SBF1: variants seen among roughly 807,000 people sequenced by gnomAD.
SBF1 encodes the protein myotubularin-related protein 5.
SBF1 carries 65 observed loss-of-function variants against 215.8 expected under a neutral mutation model. The ratio of observed to expected loss-of-function variants is 0.30; its 90% CI spans 0.25 to 0.37. The LOEUF (loss-of-function observed/expected upper bound fraction) is 0.37, where lower values mean the gene tolerates loss of function less well. Among genes scored for constraint, SBF1 ranks in the 10% least tolerant of loss-of-function variants. The pLI, the probability that SBF1 is intolerant of heterozygous loss-of-function variation, is 1.00. For synonymous variants in SBF1, 1,410 were observed against 1,122.8 expected (o/e 1.26, Z -5.11); for missense variants, 2,634 against 2,667.8 (o/e 0.99, Z 0.28).
At position 50,446,980 on chromosome 22, in the gene SBF1, G is replaced by T; in HGVS notation, c.*162C>A. On this transcript the variant is annotated 3_prime_UTR_variant, in exon 41 of 41. Coordinates refer to ENST00000380817, the MANE Select transcript of SBF1 (RefSeq NM_002972.4). ...ACGCCAAAATAAGTTAGGGCCGGCC[G>T]GGCGGGGCGGGGCGGGGACGGGGGC... 1 of 719,830 alleles carries T rather than the reference G, an allele frequency of 1.4e-6. No individual in the cohort carries two copies. Among genetic ancestry groups the T allele is most frequent in the Non-Finnish European group, 2.4e-6 (1 of 411,124 alleles). 44.6% of individuals were successfully genotyped at this position (719,830 alleles called of 1,614,324 possible).
chr22:50,471,039 G>A (rs548886971), intron 1 of SBF1, among the ~76,000 whole-genome samples: 1 of 152,302 alleles, frequency 6.6e-6, no homozygotes, highest in South Asian at 2.1e-4. Context: ...TGCCATAGGA[G>A]TGACCTCCAG....
In SBF1 at chr22:50,466,687, A is replaced by G; in HGVS notation, c.573T>C (p.Gly191=). ...GSQRTISLGA[G]DRQVIQTPLA... Reference sequence around the variant, plus strand: ...GTGGAGTCTGGATGACCTGCCGGTCACCAGCCCCCAAAGAGATCGTCCTCT... The same window carrying G: ...GTGGAGTCTGGATGACCTGCCGGTCGCCAGCCCCCAAAGAGATCGTCCTCT... The change falls in exon 6 of 41, where the codon GGT becomes GGC. Residue 191 remains glycine (G), a synonymous_variant. Coordinates refer to ENST00000380817, the MANE Select transcript of SBF1 (RefSeq NM_002972.4). 6.5e-7 allele frequency: 1 copy of G among 1,544,936 alleles called. No homozygotes were observed. Among genetic ancestry groups the G allele is most frequent in the Non-Finnish European group, 8.8e-7 (1 of 1,142,810 alleles).
Position 50,474,925 on chromosome 22 carries a change from C to G in SBF1, c.-85G>C. 2 of 994,842 alleles carry G rather than the reference C, an allele frequency of 2.0e-6. No individual in the cohort carries two copies. Among genetic ancestry groups the G allele is most frequent in the South Asian group, 2.6e-5 (1 of 38,110 alleles). The allele number at this position is 994,842 out of a possible 1,614,324, so 61.6% of individuals were successfully genotyped here. A position where few individuals can be genotyped will look rare whatever the true frequency, so the allele number is the denominator to read the frequency against. On this transcript the variant is annotated 5_prime_UTR_variant, in exon 1 of 41. Coordinates refer to ENST00000380817, the MANE Select transcript of SBF1 (RefSeq NM_002972.4). ...GGACGGCGCGCTCATGGCCCGGCCC[C>G]GGCCCTGGACCGCGCACCCCGGACA... is the stretch of plus-strand genomic sequence containing the variant.
rs748777978 is a variant in SBF1 at position 50,464,713 on chromosome 22, A to G, written c.1457T>C (p.Met486Thr). The change falls in exon 14 of 41, where the codon ATG becomes ACG. Residue 486 changes from methionine (M) to threonine (T), a missense_variant. Physicochemically the swap from Met to Thr is moderately conservative, Grantham distance 81. Transcript: ENST00000380817. ...KNENPYPAVA[M>T]HKVQRPGESS... ...CTCACCGGGCCTCTGTACCTTGTGCATCGCCACGGCTGGGTACGGGTTCTC... is the reference window on the plus strand; with the variant it reads ...CTCACCGGGCCTCTGTACCTTGTGCGTCGCCACGGCTGGGTACGGGTTCTC... 6 of 1,607,284 alleles carry G rather than the reference A, an allele frequency of 3.7e-6. No individual in the cohort carries two copies. Among genetic ancestry groups the G allele is most frequent in the Non-Finnish European group, 5.1e-6 (6 of 1,178,674 alleles).
Position 50,461,579 on chromosome 22 carries a change from G to A in SBF1, c.2783C>T (p.Ala928Val), listed in dbSNP as rs1456091528. ...GGPALLPAEG[A>V]VFLTTYRVIF... ...GACCCGGTACGTGGTGAGGAAGACG[G>A]CGCCCTCAGCTGGGAGCAATGCTGG... Residue 928 changes from alanine to valine, a missense_variant, in exon 22 of 41, where the codon GCC (alanine) becomes GTC (valine). Coordinates refer to ENST00000380817, the MANE Select transcript of SBF1 (RefSeq NM_002972.4). 1.2e-6 allele frequency: 2 copies of A among 1,611,740 alleles called. No homozygotes were observed. Among genetic ancestry groups the A allele is most frequent in the Non-Finnish European group, 1.7e-6 (2 of 1,179,342 alleles).
At position 50,461,782 on chromosome 22, in the gene SBF1, C is replaced by A; in HGVS notation, c.2643+14G>T. ...GGGCCTTGGGCCCCCGCAGCCCCAA[C>A]GGCCCCCGCAAACCTTCTGGATGGG... On this transcript the variant is annotated intron_variant, in intron 21 of 40. Coordinates refer to ENST00000380817, the MANE Select transcript of SBF1 (RefSeq NM_002972.4). 1 of 1,612,550 alleles carries A rather than the reference C, an allele frequency of 6.2e-7. No individual in the cohort carries two copies. The highest frequency in any genetic ancestry group is 8.5e-7 in the Non-Finnish European group (1 of 1,179,630).
In SBF1 at chr22:50,455,239, C is replaced by G. The variant is rs374064130; in HGVS notation, c.4539G>C (p.Leu1513=). The G allele has an allele frequency of 4.9e-4, 787 of 1,612,886 alleles. No homozygotes were observed. Among genetic ancestry groups the G allele is most frequent in the Non-Finnish European group, 6.3e-4 (748 of 1,179,608 alleles). ...SGFTPVFLQF[L]DCVHQVHLQF... ...GCCTGCCCACCTGGTGTACGCAGTC[C>G]AGGAACTGCAGGAAGACGGGTGTGA... The change falls in exon 33 of 41, where the codon CTG becomes CTC. Residue 1513 remains leucine (L), a synonymous_variant. Transcript: ENST00000380817.
intron 22 of SBF1, 77 bp from the exon 23 acceptor site, chr22:50,461,363 T>C: frequency 2.0e-6 from 3 of 1,533,632 alleles, no homozygotes; most frequent in South Asian, 2.4e-5. Context: ...GTACCACAGT[T>C]ATGGGGAATC....
intron 36 of SBF1, among the ~76,000 whole-genome samples, chr22:50,449,882 G>T (rs1429235542): frequency 1.3e-5 from 2 of 152,208 alleles, no homozygotes; most frequent in African/African-American, 4.8e-5. Context: ...AGGGGAAGCC[G>T]TTGTTTCCAG....
intron 36 of SBF1, among the ~76,000 whole-genome samples, 163 bp from the exon 37 acceptor site, chr22:50,448,813 A>C (rs143259371): frequency 1.3e-5 from 2 of 152,334 alleles, no homozygotes; most frequent in East Asian, 1.9e-4. Context: ...AATATGCAAA[A>C]TGAATATTCG....
chr22:50,461,100 G>C (rs1264017825), intron 23 of SBF1, 59 bp downstream of exon 23: 1 of 1,533,864 alleles, frequency 6.5e-7, no homozygotes, highest in Non-Finnish European at 8.8e-7. Context: ...AGAAAGACCG[G>C]TTTGCAGGAG....
At position 50,464,458 on chromosome 22, in the gene SBF1, C is replaced by T; in HGVS notation, c.1637-17G>A. On this transcript the variant is annotated splice_polypyrimidine_tract_variant and intron_variant, in intron 14 of 40. Transcript: ENST00000380817. ...GTATGGCAGCTGCGGGGACAGAATA[C>T]ACACACTCGGACCCCTGACCCCACG... The T allele has an allele frequency of 6.2e-7, 1 of 1,610,452 alleles. No individual in the cohort carries two copies. Among genetic ancestry groups the T allele is most frequent in the South Asian group, 1.1e-5 (1 of 90,792 alleles).
rs762259494 is a variant in SBF1 at position 50,459,370 on chromosome 22, A to G, written c.3711T>C (p.Ser1237=). Residue 1237 remains serine (S), a synonymous_variant, in exon 28 of 41, where the codon AGT becomes AGC. Transcript: ENST00000380817. ...GCAGGTACTTCTCCTGCTCCAGGCTACTCGAGTCCGCCTGGGACTGGCCTG... is the reference window on the plus strand; with the variant it reads ...GCAGGTACTTCTCCTGCTCCAGGCTGCTCGAGTCCGCCTGGGACTGGCCTG... ...PSPGQSQADS[S]SLEQEKYLQA... is the part of the protein sequence containing the mutation. 1 of 1,612,378 alleles carries G rather than the reference A, an allele frequency of 6.2e-7. No homozygotes were observed. Among genetic ancestry groups the G allele is most frequent in the Non-Finnish European group, 8.5e-7 (1 of 1,179,360 alleles).
chr22:50,462,950 G>T lies in SBF1; in HGVS notation c.1900-12C>A. 1 of 1,608,860 alleles carries T rather than the reference G, an allele frequency of 6.2e-7. No individual in the cohort carries two copies. The highest frequency in any genetic ancestry group is 8.5e-7 in the Non-Finnish European group (1 of 1,177,984). On this transcript the variant is annotated splice_polypyrimidine_tract_variant and intron_variant, in intron 16 of 40. Coordinates refer to ENST00000380817, the MANE Select transcript of SBF1 (RefSeq NM_002972.4). ...AGAGAAGTGCAGTCCTGCAGGTAGA[G>T]CGAGAGACCGTCAGGACCTCTCCCC... is the stretch of plus-strand genomic sequence containing the variant.
intron 36 of SBF1, among the ~76,000 whole-genome samples, chr22:50,450,482 C>T (rs907889233): frequency 2.6e-5 from 4 of 151,576 alleles, no homozygotes; most frequent in East Asian, 1.9e-4. Context: ...GAGTGCGCCA[C>T]TGCACTCCAG....
At chr22:50,456,792 A>AC (rs1424062888) in intron 29 of SBF1, 119 bp from the exon 30 acceptor site, 77 of 913,030 alleles carry the variant, frequency 8.4e-5, no homozygotes, top group Non-Finnish European at 1.2e-4. Flanking sequence ...GGTTGGCAGG[A>AC]CCCCAGCAGG....
rs1376013891 is a variant in SBF1, at chr22:50,460,019, G to A, written c.3424C>T (p.Leu1142=). 2 of 1,613,888 alleles carry A rather than the reference G, an allele frequency of 1.2e-6. No individual in the cohort carries two copies. The highest frequency in any genetic ancestry group is 1.7e-6 in the Non-Finnish European group (2 of 1,179,982). ...RLGLGTLSSS[L]SRAKSEPFRI... ...AAGGGCTCAGACTTGGCCCGGCTCA[G>A]GCTGCTGCTCAGGGTGCCCAGACCG... The change falls in exon 26 of 41, where the codon CTG becomes TTG. Residue 1142 remains leucine (L), a synonymous_variant. Transcript: ENST00000380817.
intron 1 of SBF1, among the ~76,000 whole-genome samples, chr22:50,473,630 G>T (rs1025680148): frequency 2.0e-5 from 3 of 152,134 alleles, no homozygotes; most frequent in African/African-American, 7.2e-5. Flanking sequence ...GTGTAGGGGG[G>T]TGTCCAGCAG....
chr22:50,464,352 C>T lies in SBF1; in HGVS notation c.1726G>A (p.Gly576Arg), dbSNP rs2067654885. The change falls in exon 15 of 41, where the codon GGG becomes AGG. Residue 576 changes from glycine to arginine, a missense_variant. Gly to Arg is a moderately radical substitution (Grantham distance 125). Coordinates refer to ENST00000380817, the MANE Select transcript of SBF1 (RefSeq NM_002972.4). The part of the protein sequence containing the change: ...VRNCISYVFE[G>R]KMLEAKKLLP... ...ACCTTCTTGGCCTCAAGCATTTTCC[C>T]CTCAAACACGTAGGAGATGCAGTTG... 4 of 1,614,010 alleles carry T rather than the reference C, an allele frequency of 2.5e-6. No individual in the cohort carries two copies. The highest frequency in any genetic ancestry group is 3.4e-6 in the Non-Finnish European group (4 of 1,179,970).
Sources: gnomAD v4.1 joint callset for allele counts (sites outside exome capture counted in the v4.1 genomes callset) on GRCh38, gnomAD v4.1.1 for gene constraint, MANE v1.5 for transcripts, NCBI Gene and HGNC (gene_info 2026-07-23, HGNC 2026-07-21) for gene names.